The following CCDC169 variants were observed in gnomAD, a reference collection of about 807,000 sequenced individuals.
The protein encoded by CCDC169 is coiled-coil domain containing 169.
CCDC169 carries 30 observed loss-of-function variants against 36.0 expected under a neutral mutation model. The ratio of observed to expected loss-of-function variants is 0.83; its 90% CI spans 0.62 to 1.13. CCDC169 has a LOEUF of 1.13. CCDC169 is among the 50% of genes most tolerant of loss of function. The pLI, the probability that CCDC169 is intolerant of heterozygous loss-of-function variation, is 0.00. For missense variants in CCDC169, 245 were observed against 245.9 expected (o/e 1.00, Z 0.03); for synonymous variants, 85 against 81.5 (o/e 1.04, Z -0.23).
chr13:36,278,258 G>T (rs960772240), intron 4 of CCDC169, among the ~76,000 whole-genome samples: 6 of 152,176 alleles, frequency 3.9e-5, no homozygotes, highest in African/African-American at 1.4e-4. Flanking sequence ...AACCCTGCAT[G>T]AGAGTTTAAT....
chr13:36,227,352 A>C (rs1869948172), downstream of CCDC169: 3 of 1,550,488 alleles, frequency 1.9e-6, no homozygotes, highest in Non-Finnish European at 2.6e-6. Flanking sequence ...GCTGACCTTT[A>C]AAGGGTCCAA....
Position 36,271,247 on chromosome 13 carries a change from C to A in CCDC169, c.315+12222G>T, listed in dbSNP as rs542323256. ...TCTGCAAGAATGGCTATTAAAAAGT[C>A]AAAAAAAAATAGATGTTGGCATGGA... is the stretch of plus-strand genomic sequence containing the variant. On this transcript the variant is annotated intron_variant, in intron 4 of 7. Coordinates refer to ENST00000239859, the MANE Select transcript of CCDC169 (RefSeq NM_001144981.3). Among the ~76,000 whole-genome samples, 75 of 149,182 alleles carry A rather than the reference C, an allele frequency of 5.0e-4. 1 individual carries two copies. The highest frequency in any genetic ancestry group is 4.2e-3 in the Admixed American group (63 of 14,992).
At chr13:36,288,888 A>C (rs1486569064) in intron 2 of CCDC169, among the ~76,000 whole-genome samples, 1 of 152,170 alleles carries the variant, frequency 6.6e-6, no homozygotes, top group Non-Finnish European at 1.5e-5. Context: ...TTTATATAGT[A>C]AATTCTTATC....
chr13:36,287,027 C>G lies in CCDC169; in HGVS notation c.164-3325G>C, dbSNP rs1878338797. ...TCCTGGCCCCTGATTTTGTCATCCT[C>G]TTTGGGACTGCAGCTGATTACATAT... On this transcript the variant is annotated intron_variant, in intron 2 of 7. Transcript: ENST00000239859. Among the ~76,000 whole-genome samples the G allele has an allele frequency of 3.3e-5, 5 of 152,186 alleles. 1 individual carries two copies. Among genetic ancestry groups the G allele is most frequent in the South Asian group, 2.1e-4 (1 of 4,836 alleles).
chr13:36,255,364 C>T (rs1216384533), intron 4 of CCDC169, among the ~76,000 whole-genome samples: 1 of 152,076 alleles, frequency 6.6e-6, no homozygotes, highest in Non-Finnish European at 1.5e-5. Flanking sequence ...TGCCCTTGCA[C>T]CCTGCAGAAA....
At chr13:36,288,303 C>T (rs1230059839) in intron 2 of CCDC169, among the ~76,000 whole-genome samples, 1 of 152,130 alleles carries the variant, frequency 6.6e-6, no homozygotes, top group African/African-American at 2.4e-5. Flanking sequence ...CGTGAGCCAC[C>T]GTGCCCGACC....
chr13:36,284,598 G>A (rs2138617002), intron 2 of CCDC169, among the ~76,000 whole-genome samples: 1 of 152,254 alleles, frequency 6.6e-6, no homozygotes, highest in Non-Finnish European at 1.5e-5. Flanking sequence ...AGCTATTAAA[G>A]TCAAAGCATT....
downstream of CCDC169, chr13:36,222,655 A>T (rs1042035078): frequency 2.6e-5 from 4 of 152,168 alleles, no homozygotes; most frequent in African/African-American, 9.7e-5. Flanking sequence ...GAAGAAACTG[A>T]ACTGCAATTA....
chr13:36,285,646 CATAGATAG>C (rs1220884532), intron 2 of CCDC169, among the ~76,000 whole-genome samples: 2 of 150,390 alleles, frequency 1.3e-5, no homozygotes. Flanking sequence ...TACATAGATA[CATAGATAG>C]ATAGACCGAC....
At chr13:36,292,284 G>A (rs898451619) in intron 2 of CCDC169, among the ~76,000 whole-genome samples, 4 of 151,988 alleles carry the variant, frequency 2.6e-5, no homozygotes, top group Non-Finnish European at 5.9e-5. Context: ...GTGAACTGCC[G>A]CACCTGGCCT....
At chr13:36,297,021 T>C (rs1879583791) in intron 1 of CCDC169, among the ~76,000 whole-genome samples, 1 of 151,998 alleles carries the variant, frequency 6.6e-6, no homozygotes, top group South Asian at 2.1e-4. Flanking sequence ...AAACAAGAAA[T>C]AGACAGGCAA....
intron 6 of CCDC169, 128 bp downstream of exon 6, chr13:36,253,675 C>T: frequency 1.8e-6 from 2 of 1,083,286 alleles, no homozygotes; most frequent in South Asian, 1.7e-5. Flanking sequence ...TCCTGTCTAC[C>T]CTCCATATTT....
Position 36,234,310 on chromosome 13 carries a change from C to A in CCDC169, c.546-3018G>T, listed in dbSNP as rs1029115523. Among the ~76,000 whole-genome samples the A allele has an allele frequency of 7.2e-5, 11 of 152,020 alleles. No homozygotes were observed. In the East Asian group the frequency reaches 7.7e-4, roughly 11 times the overall value. ...TTCAGGGGCGAAGAGCCTATGGCGG[C>A]CCCCACTAAAGAAAACTGAACAGTC... On this transcript the variant is annotated intron_variant, in intron 7 of 7. Coordinates refer to ENST00000239859, the MANE Select transcript of CCDC169 (RefSeq NM_001144981.3).
intron 4 of CCDC169, 145 bp downstream of exon 4, chr13:36,283,324 T>C: frequency 4.0e-6 from 3 of 756,296 alleles, no homozygotes; most frequent in South Asian, 1.9e-5. Context: ...CAAAAATTAT[T>C]TGTTGTCCTT....
At chr13:36,233,641 G>C (rs953745647) in intron 7 of CCDC169, among the ~76,000 whole-genome samples, 1 of 152,146 alleles carries the variant, frequency 6.6e-6, no homozygotes, top group Non-Finnish European at 1.5e-5. Context: ...AGGCATTCTG[G>C]AGTTGAAAAA....
At chr13:36,259,719 G>A (rs187585485) in intron 4 of CCDC169, among the ~76,000 whole-genome samples, 4 of 152,364 alleles carry the variant, frequency 2.6e-5, no homozygotes, top group Admixed American at 6.5e-5. Flanking sequence ...CTTGGCCCAC[G>A]ACCAATCAGA....
chr13:36,245,008 C>T (rs982507463), intron 7 of CCDC169, among the ~76,000 whole-genome samples: 1 of 152,076 alleles, frequency 6.6e-6, no homozygotes, highest in African/African-American at 2.4e-5. Flanking sequence ...TATACTTTAT[C>T]TAGCCAAATA....
intron 7 of CCDC169, among the ~76,000 whole-genome samples, chr13:36,236,851 G>T (rs975921665): frequency 1.3e-5 from 2 of 152,066 alleles, no homozygotes; most frequent in East Asian, 3.9e-4. Flanking sequence ...ACATCCAAGG[G>T]TGATTGGTTC....
intron 2 of CCDC169, among the ~76,000 whole-genome samples, chr13:36,289,380 T>C (rs1878609387): frequency 6.6e-6 from 1 of 152,248 alleles, no homozygotes; most frequent in Non-Finnish European, 1.5e-5. Context: ...AGCAATATTT[T>C]CCTTCAGTAT....
Sources: allele counts gnomAD v4.1 joint callset (sites outside exome capture counted in the v4.1 genomes callset), GRCh38; gene constraint gnomAD v4.1.1; transcripts MANE v1.5; gene names NCBI Gene and HGNC (gene_info 2026-07-23, HGNC 2026-07-21).